NXF1: variants seen among roughly 807,000 people sequenced by gnomAD.
The protein encoded by NXF1 is nuclear RNA export factor 1.
NXF1 carries 43 observed loss-of-function variants against 92.4 expected under a neutral mutation model. That is an observed-to-expected ratio of 0.47 (90% CI 0.36 to 0.60). The LOEUF (loss-of-function observed/expected upper bound fraction) is 0.60, where lower values mean the gene tolerates loss of function less well. Ranked by LOEUF, NXF1 falls within the 20% of genes least tolerant of loss-of-function variation. NXF1 has a pLI of 0.00. For synonymous variants in NXF1, 288 were observed against 292.2 expected, an observed-to-expected ratio of 0.99 and a Z score of 0.15; for missense variants, 576 against 793.0, an observed-to-expected ratio of 0.73 and a Z score of 3.29.
rs1370873090 is a variant in NXF1 at position 62,797,206 on chromosome 11, A to T, written c.1155T>A (p.Ser385Arg). The change falls in exon 13 of 21, where the codon AGT (serine) becomes AGA (arginine). Residue 385 changes from serine (S) to arginine (R), a missense_variant. By Grantham distance (110) the Ser-to-Arg change is moderately radical. Transcript: ENST00000294172. ...ACTGTTGCAGGAAGTGCAAGACCAG[A>T]CTCTTCAAGTTTTCTGTTCCAAAAT... The part of the protein sequence containing the change: ...GSYFGTENLK[S>R]LVLHFLQQYY... 6.2e-7 allele frequency: 1 copy of T among 1,614,134 alleles called. No individual in the cohort carries two copies. Among genetic ancestry groups the T allele is most frequent in the South Asian group, 1.1e-5 (1 of 91,078 alleles).
chr11:62,803,129 G>A (rs1425402567), intron 3 of NXF1, among the ~76,000 whole-genome samples: 1 of 152,022 alleles, frequency 6.6e-6, no homozygotes, highest in Non-Finnish European at 1.5e-5. Flanking sequence ...GACCAGCCTG[G>A]CCAATACAGT....
At chr11:62,799,742 G>T in intron 10 of NXF1, 1 of 986,194 alleles carries the variant, frequency 1.0e-6, no homozygotes, top group Non-Finnish European at 1.2e-6. Context: ...CGGGGCCCCA[G>T]CTCTGGTCAC....
chr11:62,795,461 T>G, intron 17 of NXF1: 1 of 218,538 alleles, frequency 4.6e-6, no homozygotes, highest in South Asian at 7.3e-5. Flanking sequence ...GGTGATAGAG[T>G]GTGACTCCAT....
chr11:62,800,258 G>C, intron 10 of NXF1, 119 bp downstream of exon 10: 1 of 1,530,240 alleles, frequency 6.5e-7, no homozygotes, highest in African/African-American at 1.4e-5. Flanking sequence ...CCTCTCAAAG[G>C]ACAGGTGGTT....
rs767746214 is a variant in NXF1, at chr11:62,801,361, T to C, written c.766A>G (p.Thr256Ala). ...VLNRRSCMAA[T>A]LRIIEENIPE... Reference sequence around the variant, plus strand: ...ATGTTCTCTTCAATGATCCTCAGGGTAGCTGCCATACAGCTTCTGCGATTC... The same window carrying C: ...ATGTTCTCTTCAATGATCCTCAGGGCAGCTGCCATACAGCTTCTGCGATTC... Residue 256 changes from threonine to alanine, a missense_variant, in exon 8 of 21, where the codon ACC becomes GCC. Thr to Ala is a moderately conservative substitution (Grantham distance 58). Around this residue, in one of 2 missense-constraint regions of NXF1, gnomAD observed 425 missense variants for 635.2 expected, o/e 0.67. Transcript: ENST00000294172. The C allele has an allele frequency of 1.9e-6, 3 of 1,614,110 alleles. No individual in the cohort carries two copies. In the South Asian group the frequency reaches 3.3e-5, roughly 18 times the overall value.
rs766631420 is a variant in NXF1, at chr11:62,797,205, G to T, written c.1156C>A (p.Leu386Met). Residue 386 changes from leucine to methionine, a missense_variant, in exon 13 of 21, where the codon CTG (leucine) becomes ATG (methionine). This residue lies in a region of NXF1 where 425 missense variants were observed against 635.2 expected (regional missense o/e 0.67). Transcript: ENST00000294172. The part of the protein sequence containing the change: ...SYFGTENLKS[L>M]VLHFLQQYYA... The stretch of plus-strand genomic sequence containing the variant: ...TACTGTTGCAGGAAGTGCAAGACCA[G>T]ACTCTTCAAGTTTTCTGTTCCAAAA... 1 of 1,614,194 alleles carries T rather than the reference G, an allele frequency of 6.2e-7. No homozygotes were observed. Among genetic ancestry groups the T allele is most frequent in the South Asian group, 1.1e-5 (1 of 91,072 alleles).
At chr11:62,797,600 G>A (rs186773519) in intron 11 of NXF1, among the ~76,000 whole-genome samples, 1 of 152,128 alleles carries the variant, frequency 6.6e-6, no homozygotes, top group Non-Finnish European at 1.5e-5. Context: ...TAGCTACTTG[G>A]GAGGCTGAAG....
intron 10 of NXF1, chr11:62,799,440 C>T: frequency 8.1e-6 from 8 of 985,798 alleles, no homozygotes; most frequent in Non-Finnish European, 9.6e-6. Context: ...TGTGAGGGTT[C>T]AGGCCCCTGT....
rs750830166 is a variant in NXF1, at chr11:62,797,336, C to T, written c.1104G>A (p.Thr368=). The change falls in exon 12 of 21, where the codon ACG becomes ACA. Residue 368 remains threonine (T), a synonymous_variant. Coordinates refer to ENST00000294172, the MANE Select transcript of NXF1 (RefSeq NM_006362.5). ...PPIAFDVEAP[T]TLPPCKGSYF... ...TTCCTACCTTGCAGGGCGGTAACGT[C>T]GTGGGGGCTTCAACATCAAAGGCAA... The T allele has an allele frequency of 8.7e-6, 14 of 1,613,974 alleles. 1 individual carries two copies. The East Asian group carries it at 2.0e-4, about 23-fold the overall frequency.
At chr11:62,792,870 G>A in intron 19 of NXF1, 169 bp from the exon 20 acceptor site, 1 of 614,432 alleles carries the variant, frequency 1.6e-6, no homozygotes, top group South Asian at 2.1e-5. Flanking sequence ...TTCTACCAAT[G>A]GCTTCTCAAA....
chr11:62,792,875 C>T (rs1187481721), intron 19 of NXF1, 174 bp from the exon 20 acceptor site: 1 of 608,086 alleles, frequency 1.6e-6, no homozygotes, highest in African/African-American at 1.9e-5. Context: ...CCAATGGCTT[C>T]TCAAAGATAA....
intron 1 of NXF1, chr11:62,805,010 G>A: frequency 3.4e-6 from 1 of 293,362 alleles, no homozygotes; most frequent in East Asian, 6.0e-5. Context: ...CACGAGCAGG[G>A]CACTCACTCA....
intron 10 of NXF1, chr11:62,799,183 G>A (rs1590952323): frequency 1.0e-6 from 1 of 984,486 alleles, no homozygotes; most frequent in Middle Eastern, 5.2e-4. Context: ...CAAAGAAAAA[G>A]AGAAAGAACT....
intron 11 of NXF1, 79 bp downstream of exon 11, chr11:62,798,460 A>C: frequency 6.4e-7 from 1 of 1,558,350 alleles, no homozygotes; most frequent in Non-Finnish European, 8.6e-7. Flanking sequence ...AGAAAAAGAA[A>C]AAGAAAAAGA....
In NXF1 at chr11:62,792,385, G is replaced by C. The variant is rs867613405; in HGVS notation, c.*91C>G. 45 of 1,523,482 alleles carry C rather than the reference G, an allele frequency of 3.0e-5. No homozygotes were observed. The Middle Eastern group carries it at 8.6e-4, about 29-fold the overall frequency. 94.4% of individuals were successfully genotyped at this position (1,523,482 alleles called of 1,614,324 possible). On this transcript the variant is annotated 3_prime_UTR_variant, in exon 21 of 21. Coordinates refer to ENST00000294172, the MANE Select transcript of NXF1 (RefSeq NM_006362.5). ...TCGGTCACAGTCACGGGGCGGCCTC[G>C]GGCCAGACAGGAGGAGATGACAGAC...
intron 9 of NXF1, 117 bp from the exon 10 acceptor site, chr11:62,800,603 T>G: frequency 6.0e-6 from 4 of 661,782 alleles, no homozygotes; most frequent in Non-Finnish European, 5.0e-6. Flanking sequence ...TTAAAATTTT[T>G]TCTTTTTTTT....
Position 62,792,166 on chromosome 11 carries a change from C to T in NXF1, c.*310G>A, listed in dbSNP as rs2084370913. 3.1e-6 allele frequency: 2 copies of T among 647,638 alleles called. No individual in the cohort carries two copies. Among genetic ancestry groups the T allele is most frequent in the Non-Finnish European group, 5.2e-6 (2 of 381,110 alleles). 40.1% of individuals were successfully genotyped at this position (647,638 alleles called of 1,614,324 possible). A position where few individuals can be genotyped will look rare whatever the true frequency, so the allele number is the denominator to read the frequency against. On this transcript the variant is annotated 3_prime_UTR_variant, in exon 21 of 21. Coordinates refer to ENST00000294172, the MANE Select transcript of NXF1 (RefSeq NM_006362.5). ...TCTTTATATTAAAAAGTGCAGAACA[C>T]GAAATACAACATCACTCTTTATATT... is the stretch of plus-strand genomic sequence containing the variant.
At chr11:62,798,907 G>C (rs1590952124) in intron 10 of NXF1, 1 of 1,119,708 alleles carries the variant, frequency 8.9e-7, no homozygotes, top group South Asian at 3.2e-5. Flanking sequence ...AGCCCCGGGA[G>C]GAGGGAATGG....
At chr11:62,804,007 G>T in intron 1 of NXF1, 29 bp from the exon 2 acceptor site, 1 of 1,607,966 alleles carries the variant, frequency 6.2e-7, no homozygotes, top group African/African-American at 1.3e-5. Flanking sequence ...ACACAAATTA[G>T]AAGTAAGTAA....
Sources: allele counts gnomAD v4.1 joint callset (sites outside exome capture counted in the v4.1 genomes callset), GRCh38; gene constraint gnomAD v4.1.1; regional missense constraint gnomAD v4.1.1; transcripts MANE v1.5; gene names NCBI Gene and HGNC (gene_info 2026-07-23, HGNC 2026-07-21).